The following ARHGAP21 variants were observed in gnomAD, a reference collection of about 807,000 sequenced individuals.
ARHGAP21 encodes rho GTPase-activating protein 21.
Under a neutral mutation model 164.6 loss-of-function variants are expected in ARHGAP21, and 38 were observed. The observed-to-expected ratio is 0.23, with a 90% CI of 0.18 to 0.30. The LOEUF (loss-of-function observed/expected upper bound fraction) is 0.30. ARHGAP21 is among the 10% of genes least tolerant of loss of function. The probability of loss-of-function intolerance (pLI) is 1.00; values close to 1 mark genes in which losing one functional copy is unlikely to be tolerated. For synonymous variants in ARHGAP21, 766 were observed against 857.9 expected (o/e 0.89, Z 1.87); for missense variants, 1,822 against 2,370.7 (o/e 0.77, Z 4.81).
chr10:24,608,895 T>C (rs1194590796), intron 9 of ARHGAP21, among the ~76,000 whole-genome samples: 2 of 152,206 alleles, frequency 1.3e-5, no homozygotes, highest in African/African-American at 2.4e-5. Flanking sequence ...AGTAATTCTT[T>C]TTCCAAAAGC....
At chr10:24,647,687 T>C (rs1424175397) in intron 4 of ARHGAP21, among the ~76,000 whole-genome samples, 1 of 152,180 alleles carries the variant, frequency 6.6e-6, no homozygotes, top group Non-Finnish European at 1.5e-5. Context: ...TCCTACTATA[T>C]GTACCAGGTA....
chr10:24,597,099 A>G (rs914975445), intron 16 of ARHGAP21, among the ~76,000 whole-genome samples: 4 of 151,824 alleles, frequency 2.6e-5, no homozygotes, highest in Non-Finnish European at 4.4e-5. Context: ...GCAAAAAAAA[A>G]AACTACATAG....
At position 24,620,457 on chromosome 10, in the gene ARHGAP21, C is replaced by A; in HGVS notation, c.1438G>T (p.Ala480Ser). The A allele has an allele frequency of 1.9e-6, 3 of 1,610,922 alleles. No homozygotes were observed. Among genetic ancestry groups the A allele is most frequent in the Non-Finnish European group, 2.5e-6 (3 of 1,177,436 alleles). The change falls in exon 9 of 26, where the codon GCA (alanine) becomes TCA (serine). Residue 480 changes from alanine (A) to serine (S), a missense_variant. Coordinates refer to ENST00000396432, the MANE Select transcript of ARHGAP21 (RefSeq NM_020824.4). ...KYCPRSASQG[A>S]LTSPSVSFSN... Reference sequence around the variant, plus strand: ...AAACTAACAGATGGAGACGTCAGTGCTCCTTGAGATGCACTTCTTGGACAA... The same window carrying A: ...AAACTAACAGATGGAGACGTCAGTGATCCTTGAGATGCACTTCTTGGACAA...
intron 11 of ARHGAP21, among the ~76,000 whole-genome samples, chr10:24,605,581 G>T (rs1480719724): frequency 6.6e-6 from 1 of 152,106 alleles, no homozygotes; most frequent in Non-Finnish European, 1.5e-5. Flanking sequence ...GCTCCAGAAA[G>T]AACTACTTTT....
In ARHGAP21 at chr10:24,641,823, G is replaced by A. The variant is rs142903487; in HGVS notation, c.269-6720C>T. 4.4e-3 allele frequency among the ~76,000 whole-genome samples: 668 copies of A among 151,986 alleles called. 6 individuals carry two copies. The highest frequency in any genetic ancestry group is 6.2e-3 in the Non-Finnish European group (420 of 67,956). Reference sequence around the variant, plus strand: ...AGCCTGGCTAAGATGGTGAAACCCTGTCTCTACTAAAAACACACAAAAAAT... The same window carrying A: ...AGCCTGGCTAAGATGGTGAAACCCTATCTCTACTAAAAACACACAAAAAAT... On this transcript the variant is annotated intron_variant, in intron 4 of 25. Transcript: ENST00000396432.
chr10:24,666,030 T>G lies in ARHGAP21; in HGVS notation c.268+955A>C, dbSNP rs549813757. On this transcript the variant is annotated intron_variant, in intron 4 of 25. Transcript: ENST00000396432. ...GTACCATGGTATTGTAAGTTTGTTTTGTTTTGTTTTGTTTTTTGAGACGGA... is the reference window on the plus strand; with the variant it reads ...GTACCATGGTATTGTAAGTTTGTTTGGTTTTGTTTTGTTTTTTGAGACGGA... 2.8e-4 allele frequency among the ~76,000 whole-genome samples: 42 copies of G among 152,258 alleles called. No homozygotes were observed. The South Asian group carries it at 8.7e-3, about 32-fold the overall frequency.
chr10:24,700,346 G>A (rs1030709013), intron 2 of ARHGAP21, among the ~76,000 whole-genome samples: 2 of 152,172 alleles, frequency 1.3e-5, no homozygotes, highest in African/African-American at 4.8e-5. Context: ...TGCAGAGAGA[G>A]CACTCACACA....
chr10:24,657,526 G>A (rs1839190160), intron 4 of ARHGAP21, among the ~76,000 whole-genome samples: 3 of 121,964 alleles, frequency 2.5e-5, no homozygotes, highest in African/African-American at 6.7e-5. Context: ...CCCTCTGCCC[G>A]GCCACCACCC....
intron 4 of ARHGAP21, among the ~76,000 whole-genome samples, chr10:24,642,217 C>T (rs940244944): frequency 6.6e-6 from 1 of 151,958 alleles, no homozygotes; most frequent in Non-Finnish European, 1.5e-5. Flanking sequence ...CAGATAAGAA[C>T]TGTACATTTT....
intron 2 of ARHGAP21, among the ~76,000 whole-genome samples, chr10:24,672,853 T>C (rs1477719490): frequency 6.6e-6 from 1 of 151,654 alleles, no homozygotes; most frequent in Non-Finnish European, 1.5e-5. Context: ...ATGAAAGTAA[T>C]AATACAGTAT....
At chr10:24,594,002 C>A (rs1013586638) in intron 21 of ARHGAP21, among the ~76,000 whole-genome samples, 1 of 152,092 alleles carries the variant, frequency 6.6e-6, no homozygotes, top group Admixed American at 6.6e-5. Flanking sequence ...TCAATCCTTA[C>A]AACTTCCAGA....
chr10:24,624,592 G>A (rs187765492), intron 7 of ARHGAP21, among the ~76,000 whole-genome samples: 1 of 151,684 alleles, frequency 6.6e-6, no homozygotes, highest in Non-Finnish European at 1.5e-5. Context: ...CACCTGCCTC[G>A]GACTCCCAAA....
intron 9 of ARHGAP21, among the ~76,000 whole-genome samples, chr10:24,609,188 T>C (rs1442410257): frequency 6.6e-6 from 1 of 152,158 alleles, no homozygotes. Flanking sequence ...GATAAATCTT[T>C]GAGGAGAATG....
intron 4 of ARHGAP21, among the ~76,000 whole-genome samples, chr10:24,657,323 C>G (rs1406952488): frequency 5.6e-5 from 3 of 53,968 alleles, no homozygotes; most frequent in African/African-American, 3.6e-4. Flanking sequence ...CCTCGCCCGG[C>G]CAGCCGCCCC....
chr10:24,716,519 T>C (rs1845402660), intron 2 of ARHGAP21, among the ~76,000 whole-genome samples: 1 of 152,146 alleles, frequency 6.6e-6, no homozygotes, highest in South Asian at 2.1e-4. Context: ...GAGACCAGAA[T>C]GGCTAGCACA....
At chr10:24,587,594 A>T (rs1318591815) in intron 25 of ARHGAP21, among the ~76,000 whole-genome samples, 2 of 152,186 alleles carry the variant, frequency 1.3e-5, no homozygotes, top group African/African-American at 4.8e-5. Flanking sequence ...CACATTTCTA[A>T]TGGTTATTTA....
At chr10:24,615,000 C>T (rs1295591719) in intron 9 of ARHGAP21, among the ~76,000 whole-genome samples, 1 of 151,826 alleles carries the variant, frequency 6.6e-6, no homozygotes, top group Non-Finnish European at 1.5e-5. Flanking sequence ...ATCAGTCTGG[C>T]TAACATGGTG....
rs184599582 is a variant in ARHGAP21 at position 24,604,046 on chromosome 10, G to A, written c.2721+266C>T. Among the ~76,000 whole-genome samples the A allele has an allele frequency of 8.0e-4, 120 of 149,986 alleles. 1 individual carries two copies. Among genetic ancestry groups the A allele is most frequent in the African/African-American group, 2.3e-3 (93 of 40,740 alleles). On this transcript the variant is annotated intron_variant, in intron 12 of 25. Coordinates refer to ENST00000396432, the MANE Select transcript of ARHGAP21 (RefSeq NM_020824.4). ...GGGAGGGAGAAGAAAGAGAACAGGG[G>A]TGGGGTGGGGGGTGTTGGGGGGAAG...
chr10:24,715,368 A>T (rs1232597210), intron 2 of ARHGAP21, among the ~76,000 whole-genome samples: 1 of 152,258 alleles, frequency 6.6e-6, no homozygotes, highest in Non-Finnish European at 1.5e-5. Context: ...ATAAAAATAC[A>T]TAATAAGGAA....
Sources: gnomAD v4.1 joint callset for allele counts (sites outside exome capture counted in the v4.1 genomes callset) on GRCh38, gnomAD v4.1.1 for gene constraint, MANE v1.5 for transcripts, NCBI Gene and HGNC (gene_info 2026-07-23, HGNC 2026-07-21) for gene names.